Variants in BOC observed in about 807,000 individuals in gnomAD.
The protein encoded by BOC is BOC cell adhesion associated, oncogene regulated, also known as brother of CDO.
A neutral mutation model predicts 112.0 loss-of-function variants in BOC; 76 were observed. The ratio of observed to expected loss-of-function variants is 0.68; its 90% CI spans 0.56 to 0.82. The LOEUF (loss-of-function observed/expected upper bound fraction) is 0.82, where lower values mean the gene tolerates loss of function less well. Among genes scored for constraint, BOC ranks in the 40% least tolerant of loss-of-function variants. BOC has a pLI of 0.00. For missense variants in BOC, 1,309 were observed against 1,511.7 expected, an observed-to-expected ratio of 0.87 and a Z score of 2.22; for synonymous variants, 580 against 599.8, an observed-to-expected ratio of 0.97 and a Z score of 0.48.
chr3:113,287,439 G>A lies in BOC; in HGVS notation c.*577G>A, dbSNP rs1376593704. ...ACTGTAACTTCTAAATAAATGTTTA[G>A]TCTTCCCTGTAACCTTCAAACTGAG... On this transcript the variant is annotated 3_prime_UTR_variant, in exon 20 of 20. Transcript: ENST00000682979. The A allele has an allele frequency of 2.6e-5, 4 of 155,128 alleles. No individual in the cohort carries two copies. The highest frequency in any genetic ancestry group is 9.6e-5 in the African/African-American group (4 of 41,474). The allele number at this position is 155,128 out of a possible 1,614,324, so 9.6% of individuals were successfully genotyped here.
At chr3:113,266,594 A>G (rs1301702305) in intron 4 of BOC, among the ~76,000 whole-genome samples, 2 of 152,232 alleles carry the variant, frequency 1.3e-5, no homozygotes, top group African/African-American at 4.8e-5. Context: ...CATAATGGGC[A>G]TCTTGTACCT....
chr3:113,226,644 A>G (rs886979074), intron 2 of BOC, among the ~76,000 whole-genome samples: 1 of 152,158 alleles, frequency 6.6e-6, no homozygotes, highest in African/African-American at 2.4e-5. Flanking sequence ...CTTAATCTGG[A>G]TGGGGGAAAG....
chr3:113,233,148 G>GGTGTGTGT (rs59444901), intron 2 of BOC, among the ~76,000 whole-genome samples: 12,292 of 123,772 alleles, frequency 0.099, 876 homozygotes, highest in East Asian at 0.2. Context: ...AAAGGATTGG[G>GGTGTGTGT]GTGTGTGTGT....
rs957480619 is a variant in BOC, at chr3:113,272,987, T to A, written c.962-82T>A. The A allele has an allele frequency of 1.6e-5, 24 of 1,502,564 alleles. No homozygotes were observed. The African/African-American group carries it at 3.3e-4, about 21-fold the overall frequency. 93.1% of individuals were successfully genotyped at this position (1,502,564 alleles called of 1,614,324 possible). A position where few individuals can be genotyped will look rare whatever the true frequency, so the allele number is the denominator to read the frequency against. On this transcript the variant is annotated intron_variant, in intron 7 of 19. Transcript: ENST00000682979. ...AACAGCCAAAGGGCAGGGGAGCTGCTCCTAACTACATCCCTCCCAGCCCAT... is the reference window on the plus strand; with the variant it reads ...AACAGCCAAAGGGCAGGGGAGCTGCACCTAACTACATCCCTCCCAGCCCAT...
intron 4 of BOC, chr3:113,251,457 C>G (rs558986349): frequency 6.5e-6 from 1 of 154,092 alleles, no homozygotes; most frequent in African/African-American, 2.4e-5. Flanking sequence ...GATGAGGTGA[C>G]AGTTTGGACC....
At chr3:113,220,759 C>T (rs1334121810) in intron 2 of BOC, among the ~76,000 whole-genome samples, 2 of 152,188 alleles carry the variant, frequency 1.3e-5, no homozygotes, top group East Asian at 3.8e-4. Flanking sequence ...CTGCCTTTCC[C>T]AGCCTTGTGG....
chr3:113,223,687 C>T (rs986468879), intron 2 of BOC, among the ~76,000 whole-genome samples: 1 of 152,128 alleles, frequency 6.6e-6, no homozygotes, highest in African/African-American at 2.4e-5. Context: ...GAATGTCATG[C>T]GGTTGGAATC....
At chr3:113,230,306 T>C (rs933949394) in intron 2 of BOC, among the ~76,000 whole-genome samples, 1 of 152,218 alleles carries the variant, frequency 6.6e-6, no homozygotes, top group African/African-American at 2.4e-5. Context: ...CAGAGTACAT[T>C]GTGAGAATCT....
intron 2 of BOC, among the ~76,000 whole-genome samples, chr3:113,247,343 A>G (rs937764459): frequency 1.3e-5 from 2 of 152,170 alleles, no homozygotes; most frequent in Non-Finnish European, 1.5e-5. Flanking sequence ...GGGGAAAAGC[A>G]AATTAGAGAA....
Position 113,278,607 on chromosome 3 carries a change from G to A in BOC, c.1706-66G>A. On this transcript the variant is annotated intron_variant, in intron 10 of 19. Transcript: ENST00000682979. This position sits in a 1 kb window ranked among gnomAD's most constrained non-coding sequence, Gnocchi z 4.2. Reference sequence around the variant, plus strand: ...GCTTAGCAGAGTCTCAGGCAAAAAGGACTCTGTGGGAGGGAGATCTCATGC... The same window carrying A: ...GCTTAGCAGAGTCTCAGGCAAAAAGAACTCTGTGGGAGGGAGATCTCATGC... 1 of 1,368,074 alleles carries A rather than the reference G, an allele frequency of 7.3e-7. No homozygotes were observed. The highest frequency in any genetic ancestry group is 1.3e-5 in the South Asian group (1 of 79,766). 84.7% of individuals were successfully genotyped at this position (1,368,074 alleles called of 1,614,324 possible).
intron 4 of BOC, among the ~76,000 whole-genome samples, chr3:113,259,018 T>G (rs1479887743): frequency 6.6e-6 from 1 of 152,218 alleles, no homozygotes; most frequent in African/African-American, 2.4e-5. Flanking sequence ...ATCCCTGATA[T>G]TCTGGTGAAA....
chr3:113,262,766 A>G (rs1190923732), intron 4 of BOC, among the ~76,000 whole-genome samples: 1 of 152,176 alleles, frequency 6.6e-6, no homozygotes, highest in Non-Finnish European at 1.5e-5. Flanking sequence ...ATGCCAAGCT[A>G]TGGTCCCTCA....
intron 4 of BOC, among the ~76,000 whole-genome samples, chr3:113,254,326 G>A (rs985030541): frequency 1.3e-5 from 2 of 152,186 alleles, no homozygotes; most frequent in Non-Finnish European, 2.9e-5. Flanking sequence ...GAGCAGGCAT[G>A]GGGGGCTGTG....
At chr3:113,242,667 C>G (rs1944452048) in intron 2 of BOC, among the ~76,000 whole-genome samples, 1 of 152,018 alleles carries the variant, frequency 6.6e-6, no homozygotes, top group Admixed American at 6.5e-5. Flanking sequence ...TTTTGCTAAT[C>G]TCCCCAAAAT....
Position 113,274,254 on chromosome 3 carries a change from T to G in BOC, c.1235-121T>G. 1.1e-6 allele frequency: 1 copy of G among 915,882 alleles called. No individual in the cohort carries two copies. The highest frequency in any genetic ancestry group is 1.6e-6 in the Non-Finnish European group (1 of 640,446). 56.7% of individuals were successfully genotyped at this position (915,882 alleles called of 1,614,324 possible). A position where few individuals can be genotyped will look rare whatever the true frequency, so the allele number is the denominator to read the frequency against. ...CTGGGCAGCACAGAGTGGGTGGCGG[T>G]ACAGCTGATGGTGGGCCCAGGTTGC... is the stretch of plus-strand genomic sequence containing the variant. On this transcript the variant is annotated intron_variant, in intron 8 of 19. Coordinates refer to ENST00000682979, the MANE Select transcript of BOC (RefSeq NM_001378074.1). The surrounding 1 kb of genome is among the most constrained non-coding windows in gnomAD (Gnocchi z 4.8).
Position 113,254,568 on chromosome 3 carries a change from G to A in BOC, c.376+3735G>A, listed in dbSNP as rs543220820. On this transcript the variant is annotated intron_variant, in intron 4 of 19. Coordinates refer to ENST00000682979, the MANE Select transcript of BOC (RefSeq NM_001378074.1). ...GATGTATGAGGGAGGCCAAGTGGTA[G>A]ACGGGATTACCGAAGGCACGGTCTG... Among the ~76,000 whole-genome samples, 25 of 152,376 alleles carry A rather than the reference G, an allele frequency of 1.6e-4. 1 individual carries two copies. Among genetic ancestry groups the A allele is most frequent in the Admixed American group, 1.6e-3 (25 of 15,306 alleles).
In BOC at chr3:113,274,052, C is replaced by T. The variant is rs552828380; in HGVS notation, c.1235-323C>T. 5.3e-5 allele frequency among the ~76,000 whole-genome samples: 8 copies of T among 152,282 alleles called. No individual in the cohort carries two copies. The East Asian group carries it at 9.7e-4, about 18-fold the overall frequency. Reference sequence around the variant, plus strand: ...CTCCAGCCTAGACCGAGAAGGAAGGCGCAGGGTTCCTGGGCCTCGGGAGAA... The same window carrying T: ...CTCCAGCCTAGACCGAGAAGGAAGGTGCAGGGTTCCTGGGCCTCGGGAGAA... On this transcript the variant is annotated intron_variant, in intron 8 of 19. Transcript: ENST00000682979. This position sits in a 1 kb window ranked among gnomAD's most constrained non-coding sequence, Gnocchi z 4.8.
At chr3:113,221,951 G>C (rs1008003156) in intron 2 of BOC, among the ~76,000 whole-genome samples, 1 of 152,146 alleles carries the variant, frequency 6.6e-6, no homozygotes, top group African/African-American at 2.4e-5. Context: ...CCTCCTCCCA[G>C]GGGCTGTGTG....
intron 1 of BOC, among the ~76,000 whole-genome samples, chr3:113,214,834 C>G (rs1298935388): frequency 6.6e-6 from 1 of 152,228 alleles, no homozygotes; most frequent in Non-Finnish European, 1.5e-5. Flanking sequence ...AGGCTGAAAG[C>G]TTCCTTGTCC....
Sources: gnomAD v4.1 joint callset for allele counts (sites outside exome capture counted in the v4.1 genomes callset) on GRCh38, gnomAD v4.1.1 for gene constraint, Gnocchi (gnomAD v3.1) non-coding constraint, MANE v1.5 for transcripts, NCBI Gene and HGNC (gene_info 2026-07-23, HGNC 2026-07-21) for gene names.